Variants in YAP1 observed in about 807,000 individuals in gnomAD.
The protein encoded by YAP1 is transcriptional coactivator YAP1.
In YAP1, 5 loss-of-function variants were observed where a neutral mutation model predicts 56.9. That is an observed-to-expected ratio of 0.09 (90% CI 0.05 to 0.18). The LOEUF is 0.18. YAP1 is among the 10% of genes least tolerant of loss of function. The probability of loss-of-function intolerance (pLI) is 1.00; values close to 1 mark genes in which losing one functional copy is unlikely to be tolerated. For synonymous variants in YAP1, 265 were observed against 248.1 expected (o/e 1.07, Z -0.64); for missense variants, 539 against 651.8 (o/e 0.83, Z 1.88).
chr11:102,189,919 C>A (rs1394075705), intron 4 of YAP1, among the ~76,000 whole-genome samples: 1 of 151,916 alleles, frequency 6.6e-6, no homozygotes, highest in East Asian at 1.9e-4. Context: ...AACATTTTTT[C>A]TTTTTTAAGC....
At chr11:102,189,007 C>T (rs1948136858) in intron 4 of YAP1, among the ~76,000 whole-genome samples, 1 of 151,914 alleles carries the variant, frequency 6.6e-6, no homozygotes. Flanking sequence ...CATGAAGTGA[C>T]ATCAGATGGC....
intron 2 of YAP1, among the ~76,000 whole-genome samples, chr11:102,152,241 A>G (rs1384247748): frequency 6.6e-6 from 1 of 152,192 alleles, no homozygotes; most frequent in Non-Finnish European, 1.5e-5. Flanking sequence ...ACCATTTCTC[A>G]CCGCTAATGA....
At chr11:102,161,197 G>A (rs1043095876) in intron 2 of YAP1, among the ~76,000 whole-genome samples, 2 of 151,160 alleles carry the variant, frequency 1.3e-5, no homozygotes, top group Non-Finnish European at 2.9e-5. Flanking sequence ...GAGGAGCTGG[G>A]ACTACAGGCG....
intron 7 of YAP1, among the ~76,000 whole-genome samples, chr11:102,226,564 A>C (rs1175816414): frequency 6.6e-6 from 1 of 152,230 alleles, no homozygotes; most frequent in South Asian, 2.1e-4. Context: ...GATTTTGTAG[A>C]GTTAGTAGAA....
chr11:102,210,844 C>G (rs1949371623), intron 6 of YAP1, among the ~76,000 whole-genome samples: 1 of 151,444 alleles, frequency 6.6e-6, no homozygotes, highest in Admixed American at 6.6e-5. Flanking sequence ...GCTCCGCCTT[C>G]CGGGTTCACA....
At chr11:102,120,410 G>A (rs574468140) in intron 2 of YAP1, among the ~76,000 whole-genome samples, 1 of 152,322 alleles carries the variant, frequency 6.6e-6, no homozygotes, top group Non-Finnish European at 1.5e-5. Context: ...TTGTTTCTTT[G>A]AATGATGTTG....
In YAP1 at chr11:102,223,628, G is replaced by A; in HGVS notation, c.1039G>A (p.Ala347Thr). 1 of 1,613,880 alleles carries A rather than the reference G, an allele frequency of 6.2e-7. No homozygotes were observed. The highest frequency in any genetic ancestry group is 8.5e-7 in the Non-Finnish European group (1 of 1,179,940). The change falls in exon 7 of 9, where the codon GCC becomes ACC. Residue 347 changes from alanine (A) to threonine (T), a missense_variant. Coordinates refer to ENST00000282441, the MANE Select transcript of YAP1 (RefSeq NM_001130145.3). ...TGGCTTTATTTTTAATTAGGAGTTAGCCCTGCGTAGCCAGTTACCAACACT... is the reference window on the plus strand; with the variant it reads ...TGGCTTTATTTTTAATTAGGAGTTAACCCTGCGTAGCCAGTTACCAACACT... ...TANSPKCQEL[A>T]LRSQLPTLEQ...
At chr11:102,204,977 T>A (rs1269827672) in intron 4 of YAP1, among the ~76,000 whole-genome samples, 1 of 152,178 alleles carries the variant, frequency 6.6e-6, no homozygotes, top group Non-Finnish European at 1.5e-5. Flanking sequence ...TCAACTTAAG[T>A]TGAATATGTA....
chr11:102,185,959 CT>C (rs1430375097), intron 3 of YAP1, 58 bp from the exon 4 acceptor site: 231 of 1,454,052 alleles, frequency 1.6e-4, no homozygotes, highest in Admixed American at 4.7e-4. Flanking sequence ...CCCCCTCCCA[CT>C]TTTTTTTAGG....
At chr11:102,192,685 A>G (rs181536072) in intron 4 of YAP1, among the ~76,000 whole-genome samples, 5 of 152,340 alleles carry the variant, frequency 3.3e-5, no homozygotes, top group East Asian at 1.9e-4. Flanking sequence ...ACTGAATACA[A>G]TATGCTCAGT....
intron 1 of YAP1, 40 bp downstream of exon 1, chr11:102,111,209 G>T: frequency 1.9e-6 from 3 of 1,606,854 alleles, no homozygotes; most frequent in South Asian, 1.1e-5. Flanking sequence ...CCGTCGGGCG[G>T]GCCTCAGACC....
At chr11:102,208,130 TTGTCTGTTCTCA>T (rs915502443) in intron 5 of YAP1, among the ~76,000 whole-genome samples, 1 of 152,238 alleles carries the variant, frequency 6.6e-6, no homozygotes, top group African/African-American at 2.4e-5. Flanking sequence ...GCCCAGACTA[TTGTCTGTTCTCA>T]GATCCCATTC....
intron 3 of YAP1, among the ~76,000 whole-genome samples, chr11:102,180,052 C>A (rs1947496537): frequency 7.0e-6 from 1 of 143,628 alleles, no homozygotes; most frequent in South Asian, 2.2e-4. Context: ...ATCCGTCGTC[C>A]AGGCTGGAGT....
At chr11:102,136,116 TG>T (rs1325682974) in intron 2 of YAP1, among the ~76,000 whole-genome samples, 3 of 152,236 alleles carry the variant, frequency 2.0e-5, no homozygotes, top group Admixed American at 6.5e-5. Flanking sequence ...ATGGTACTTT[TG>T]CTGGTCTTCT....
rs1427272614 is a variant in YAP1, at chr11:102,114,139, A to G, written c.322-5A>G. On this transcript the variant is annotated splice_region_variant and splice_polypyrimidine_tract_variant and intron_variant, in intron 1 of 8. Transcript: ENST00000282441. ...TTAATTTTTCATCTTAATATTCCCT[A>G]ATAGGCCAGTACTGATGCAGGCACT... 3 of 1,592,474 alleles carry G rather than the reference A, an allele frequency of 1.9e-6. No homozygotes were observed. The highest frequency in any genetic ancestry group is 3.4e-5 in the Admixed American group (2 of 58,494).
chr11:102,151,895 G>T (rs539380095), intron 2 of YAP1, among the ~76,000 whole-genome samples: 1 of 152,270 alleles, frequency 6.6e-6, no homozygotes, highest in African/African-American at 2.4e-5. Context: ...TGTACAGAGT[G>T]AGGGAGGATT....
intron 3 of YAP1, among the ~76,000 whole-genome samples, chr11:102,174,549 A>T (rs1591317448): frequency 6.6e-6 from 1 of 151,534 alleles, no homozygotes; most frequent in Admixed American, 6.6e-5. Context: ...GCGCCACTGC[A>T]CTCCAGCCTG....
intron 2 of YAP1, among the ~76,000 whole-genome samples, chr11:102,131,341 CGTT>C (rs1275235825): frequency 5.3e-5 from 8 of 152,268 alleles, no homozygotes; most frequent in Middle Eastern, 6.8e-3. Context: ...ATGTAGCAGG[CGTT>C]GTTCTGGATC....
intron 1 of YAP1, chr11:102,112,664 TGATGACAAAAACCCGGG>T: frequency 8.1e-6 from 8 of 985,236 alleles, no homozygotes; most frequent in Non-Finnish European, 9.6e-6. Context: ...TCACTTAACC[TGATGACAAAAACCCGGG>T]TTAAGGAGGA....
Sources: allele counts gnomAD v4.1 joint callset (sites outside exome capture counted in the v4.1 genomes callset), GRCh38; gene constraint gnomAD v4.1.1; transcripts MANE v1.5; gene names NCBI Gene and HGNC (gene_info 2026-07-23, HGNC 2026-07-21).